Variants in SSUH2 observed in about 807,000 individuals in gnomAD.
SSUH2 encodes the protein ssu-2 homolog.
SSUH2 carries 47 observed loss-of-function variants against 55.3 expected under a neutral mutation model. The observed-to-expected ratio is 0.85, with a 90% CI of 0.67 to 1.08. The LOEUF is 1.08. SSUH2 is among the 50% of genes least tolerant of loss of function. The pLI is 0.00. For synonymous variants in SSUH2, 212 were observed against 191.5 expected (o/e 1.11, Z -0.89); for missense variants, 535 against 490.7 (o/e 1.09, Z -0.85).
upstream of SSUH2, among the ~76,000 whole-genome samples, chr3:8,645,922 A>G (rs1701624731): frequency 6.6e-6 from 1 of 152,114 alleles, no homozygotes; most frequent in African/African-American, 2.4e-5. Flanking sequence ...AATTTCACAA[A>G]TGCTTCTTAG....
chr3:8,675,192 C>T (rs1705098405), intron 3 of SSUH2, among the ~76,000 whole-genome samples: 1 of 152,180 alleles, frequency 6.6e-6, no homozygotes, highest in South Asian at 2.1e-4. Context: ...GGTTCACCTG[C>T]TTGGACCTGA....
Position 8,623,469 on chromosome 3 carries a change from G to T in SSUH2, c.981+80C>A, listed in dbSNP as rs528201817. ...CTCACCTCTACGTCCTCATCCTTCCGCTCCGACGTTCTCAGGAAAGAGGGC... is the reference window on the plus strand; with the variant it reads ...CTCACCTCTACGTCCTCATCCTTCCTCTCCGACGTTCTCAGGAAAGAGGGC... On this transcript the variant is annotated intron_variant, in intron 11 of 11. Coordinates refer to ENST00000544814, the MANE Select transcript of SSUH2 (RefSeq NM_001256748.3). The T allele has an allele frequency of 6.0e-5, 54 of 895,960 alleles. No individual in the cohort carries two copies. In the African/African-American group the frequency reaches 6.9e-4, roughly 11 times the overall value. 55.5% of individuals were successfully genotyped at this position (895,960 alleles called of 1,614,324 possible).
chr3:8,660,189 C>T (rs1703336649), intron 6 of SSUH2, among the ~76,000 whole-genome samples: 1 of 152,090 alleles, frequency 6.6e-6, no homozygotes, highest in Non-Finnish European at 1.5e-5. Flanking sequence ...GTAATGCAGC[C>T]ATTACCACTT....
intron 2 of SSUH2, among the ~76,000 whole-genome samples, chr3:8,678,413 G>A (rs978041472): frequency 1.1e-4 from 16 of 152,092 alleles, no homozygotes; most frequent in Admixed American, 6.5e-4. Flanking sequence ...CACAGGCTGG[G>A]TGAACAGCCT....
intron 11 of SSUH2, among the ~76,000 whole-genome samples, chr3:8,620,661 G>A (rs1696236782): frequency 6.6e-6 from 1 of 152,168 alleles, no homozygotes; most frequent in African/African-American, 2.4e-5. Flanking sequence ...CATCCCCAGG[G>A]GAGTTCCAGG....
At chr3:8,673,469 T>C (rs1279295545) in intron 3 of SSUH2, among the ~76,000 whole-genome samples, 4 of 152,060 alleles carry the variant, frequency 2.6e-5, no homozygotes, top group Non-Finnish European at 4.4e-5. Flanking sequence ...GGCATGTTTT[T>C]GTGTACCAGC....
chr3:8,666,259 T>A (rs1286806304), intron 5 of SSUH2, among the ~76,000 whole-genome samples: 1 of 152,224 alleles, frequency 6.6e-6, no homozygotes, highest in Non-Finnish European at 1.5e-5. Flanking sequence ...AGCACTAATA[T>A]AATGTATTTT....
Position 8,619,861 on chromosome 3 carries a change from T to G in SSUH2, c.*7A>C, listed in dbSNP as rs751985441. On this transcript the variant is annotated 3_prime_UTR_variant, in exon 12 of 12. Coordinates refer to ENST00000544814, the MANE Select transcript of SSUH2 (RefSeq NM_001256748.3). ...GAATGGCAGGCTCTGGGGACAGCCA[T>G]GCTATGTCACACGATGGTACAGCCA... 27 of 1,612,904 alleles carry G rather than the reference T, an allele frequency of 1.7e-5. No individual in the cohort carries two copies. In the African/African-American group the frequency reaches 2.9e-4, roughly 18 times the overall value.
At position 8,679,299 on chromosome 3, in the gene SSUH2, C is replaced by T. The variant is rs565086384; in HGVS notation, c.-901+406G>A. Among the ~76,000 whole-genome samples the T allele has an allele frequency of 2.8e-4, 21 of 74,588 alleles. 3 individuals are homozygous for T. Among genetic ancestry groups the T allele is most frequent in the African/African-American group, 6.9e-4 (16 of 23,132 alleles). 48.9% of individuals were successfully genotyped at this position (74,588 alleles called of 152,430 possible). On this transcript the variant is annotated intron_variant, in intron 2 of 18. Coordinates refer to the SSUH2 transcript ENST00000317371. ...CCCCATCGGAGGGGGGGAGCCACCC[C>T]CCATGAGGCGGGGACTAAGAGCCAG... is the stretch of plus-strand genomic sequence containing the variant.
chr3:8,676,104 C>G (rs544509189), intron 3 of SSUH2, among the ~76,000 whole-genome samples: 4 of 152,104 alleles, frequency 2.6e-5, no homozygotes, highest in Non-Finnish European at 4.4e-5. Context: ...CCCTCTTCCC[C>G]GCCTGGCTCT....
chr3:8,642,944 T>C (rs1373600107), intron 1 of SSUH2, among the ~76,000 whole-genome samples: 1 of 152,194 alleles, frequency 6.6e-6, no homozygotes, highest in African/African-American at 2.4e-5. Flanking sequence ...CTGAGTTCCA[T>C]CACATCTGAG....
intron 8 of SSUH2, 182 bp downstream of exon 8, chr3:8,627,516 T>C: frequency 2.3e-6 from 1 of 430,712 alleles, no homozygotes; most frequent in East Asian, 3.5e-5. Flanking sequence ...TGTCCAGAAA[T>C]GCCAGGCCTT....
intron 7 of SSUH2, among the ~76,000 whole-genome samples, chr3:8,628,453 G>A (rs1698055983): frequency 6.6e-6 from 1 of 152,232 alleles, no homozygotes; most frequent in Non-Finnish European, 1.5e-5. Context: ...ATGCCACTGA[G>A]GGGCCTGTGC....
In SSUH2 at chr3:8,623,571, G is replaced by A; in HGVS notation, c.959C>T (p.Ser320Phe). ...GIAEHSAALA[S>F]RARVLQQRQT... ...CACCTGCTGCAGGACGCGGGCACGG[G>A]AGGCCAAGGCAGCGCTGTGCTCTGC... Residue 320 changes from serine (S) to phenylalanine (F), a missense_variant, in exon 11 of 12, where the codon TCC becomes TTC. By Grantham distance (155) the Ser-to-Phe change is radical. Coordinates refer to ENST00000544814, the MANE Select transcript of SSUH2 (RefSeq NM_001256748.3). 2 of 1,550,788 alleles carry A rather than the reference G, an allele frequency of 1.3e-6. No homozygotes were observed. Among genetic ancestry groups the A allele is most frequent in the Non-Finnish European group, 1.7e-6 (2 of 1,146,338 alleles).
chr3:8,634,921 T>C (rs1699659533), intron 3 of SSUH2, among the ~76,000 whole-genome samples: 1 of 152,218 alleles, frequency 6.6e-6, no homozygotes, highest in African/African-American at 2.4e-5. Flanking sequence ...TGAGGTTTCG[T>C]AGCCCACATA....
intron 5 of SSUH2, among the ~76,000 whole-genome samples, chr3:8,665,656 C>T (rs928849318): frequency 6.6e-6 from 1 of 152,188 alleles, no homozygotes; most frequent in Admixed American, 6.5e-5. Context: ...CGTTCACCAA[C>T]GCAAAAGCCA....
At chr3:8,621,410 T>C (rs1012748150) in intron 11 of SSUH2, among the ~76,000 whole-genome samples, 2 of 152,210 alleles carry the variant, frequency 1.3e-5, no homozygotes, top group African/African-American at 4.8e-5. Flanking sequence ...CTGCTTCGAC[T>C]TCTCTCTCCA....
chr3:8,667,372 A>G (rs1704085643), intron 5 of SSUH2, among the ~76,000 whole-genome samples: 3 of 152,208 alleles, frequency 2.0e-5, no homozygotes. Context: ...ATTAGCGTAT[A>G]ATGAACAATG....
At chr3:8,621,646 A>C (rs903364150) in intron 11 of SSUH2, among the ~76,000 whole-genome samples, 1 of 151,854 alleles carries the variant, frequency 6.6e-6, no homozygotes, top group African/African-American at 2.4e-5. Context: ...GGGAATAAAA[A>C]CTCTTATTTC....
Sources: gnomAD v4.1 joint callset for allele counts (sites outside exome capture counted in the v4.1 genomes callset) on GRCh38, gnomAD v4.1.1 for gene constraint, MANE v1.5 for transcripts, NCBI Gene and HGNC (gene_info 2026-07-23, HGNC 2026-07-21) for gene names.